SLC44A1: variants seen among roughly 807,000 people sequenced by gnomAD.
SLC44A1 encodes solute carrier family 44 member 1, also known as choline transporter-like protein 1.
Under a neutral mutation model 79.3 loss-of-function variants are expected in SLC44A1, and 26 were observed. The ratio of observed to expected loss-of-function variants is 0.33; its 90% CI spans 0.24 to 0.46. The LOEUF (loss-of-function observed/expected upper bound fraction) is 0.46. Among genes scored for constraint, SLC44A1 ranks in the 20% least tolerant of loss-of-function variants. The pLI is 1.00. For missense variants in SLC44A1, 688 were observed against 798.1 expected (o/e 0.86, Z 1.66); for synonymous variants, 263 against 286.2 (o/e 0.92, Z 0.82).
At chr9:105,328,885 A>G (rs1477698258) in intron 3 of SLC44A1, among the ~76,000 whole-genome samples, 1 of 152,126 alleles carries the variant, frequency 6.6e-6, no homozygotes, top group Non-Finnish European at 1.5e-5. Flanking sequence ...CAGCAACCTC[A>G]TGGGTTGGGT....
chr9:105,291,457 G>T lies in SLC44A1; in HGVS notation c.37-7763G>T, dbSNP rs571096455. Among the ~76,000 whole-genome samples, 10 of 152,340 alleles carry T rather than the reference G, an allele frequency of 6.6e-5. No individual in the cohort carries two copies. In the South Asian group the frequency reaches 2.1e-3, roughly 32 times the overall value. On this transcript the variant is annotated intron_variant, in intron 1 of 15. Coordinates refer to ENST00000374720, the MANE Select transcript of SLC44A1 (RefSeq NM_080546.5). The stretch of plus-strand genomic sequence containing the variant: ...ACTATTATAGTGGCTTTTGAGGTGT[G>T]TCAGGGAGTAGTTAGGACAGTGAAA...
At chr9:105,252,012 G>A (rs1054901797) in intron 1 of SLC44A1, among the ~76,000 whole-genome samples, 5 of 152,084 alleles carry the variant, frequency 3.3e-5, no homozygotes, top group Non-Finnish European at 5.9e-5. Context: ...TGGTCTTTAC[G>A]TTTTTAAGTG....
Position 105,394,967 on chromosome 9 carries a change from A to G in SLC44A1, c.*5911A>G, listed in dbSNP as rs1461142589. The G allele has an allele frequency of 7.1e-6, 7 of 985,176 alleles. No individual in the cohort carries two copies. The highest frequency in any genetic ancestry group is 6.1e-5 in the Admixed American group (1 of 16,264). The allele number at this position is 985,176 out of a possible 1,614,324, so 61.0% of individuals were successfully genotyped here. On this transcript the variant is annotated 3_prime_UTR_variant, in exon 16 of 16. Transcript: ENST00000374720. ...GATTTCTTCACATCTGCACCTTACT[A>G]TTAGGTAAGGGTGCTGCATCTACAT...
Position 105,331,432 on chromosome 9 carries a change from A to G in SLC44A1, c.270-4131A>G, listed in dbSNP as rs187724393. On this transcript the variant is annotated intron_variant, in intron 3 of 15. Coordinates refer to ENST00000374720, the MANE Select transcript of SLC44A1 (RefSeq NM_080546.5). ...TCAGTTACAATAATCTGGTTTGTCAATACCATGCTTATTACGATTATTTGT... is the reference window on the plus strand; with the variant it reads ...TCAGTTACAATAATCTGGTTTGTCAGTACCATGCTTATTACGATTATTTGT... 4.7e-3 allele frequency among the ~76,000 whole-genome samples: 717 copies of G among 152,384 alleles called. 1 individual carries two copies. Among genetic ancestry groups the G allele is most frequent in the Non-Finnish European group, 7.7e-3 (527 of 68,038 alleles).
rs1013102786 is a variant in SLC44A1, at chr9:105,277,070, C to T, written c.37-22150C>T. Among the ~76,000 whole-genome samples the T allele has an allele frequency of 3.3e-5, 5 of 152,114 alleles. No individual in the cohort carries two copies. The South Asian group carries it at 6.2e-4, about 19-fold the overall frequency. On this transcript the variant is annotated intron_variant, in intron 1 of 15. Transcript: ENST00000374720. ...TGGTAGCAGTGGAGAACTGATAGGA[C>T]GTGGTCAGATTCTGGCCATATTTGG...
intron 1 of SLC44A1, among the ~76,000 whole-genome samples, chr9:105,265,252 A>G (rs954211789): frequency 6.6e-6 from 1 of 152,210 alleles, no homozygotes. Flanking sequence ...CAGTAGCAAG[A>G]TACAGAACAG....
intron 1 of SLC44A1, among the ~76,000 whole-genome samples, chr9:105,259,954 A>G (rs1025291289): frequency 3.9e-5 from 6 of 152,216 alleles, no homozygotes; most frequent in African/African-American, 1.4e-4. Flanking sequence ...CAACAAGCAA[A>G]TTGAGCTGGG....
intron 9 of SLC44A1, 129 bp downstream of exon 9, chr9:105,363,136 G>A (rs951860324): frequency 5.7e-6 from 4 of 698,306 alleles, no homozygotes; most frequent in Admixed American, 5.4e-5. Context: ...ACTTGTAGTG[G>A]TTATGGCTCC....
intron 3 of SLC44A1, among the ~76,000 whole-genome samples, chr9:105,327,960 A>C (rs967212757): frequency 2.6e-5 from 4 of 152,202 alleles, no homozygotes; most frequent in Non-Finnish European, 4.4e-5. Context: ...TTTAGTACTT[A>C]TTTAGGCCTA....
In SLC44A1 at chr9:105,358,336, C is replaced by G; in HGVS notation, c.671-8C>G. 1 of 1,429,496 alleles carries G rather than the reference C, an allele frequency of 7.0e-7. No homozygotes were observed. Among genetic ancestry groups the G allele is most frequent in the African/African-American group, 1.4e-5 (1 of 71,126 alleles). 88.6% of individuals were successfully genotyped at this position (1,429,496 alleles called of 1,614,324 possible). On this transcript the variant is annotated splice_polypyrimidine_tract_variant and splice_region_variant and intron_variant, in intron 6 of 15. Transcript: ENST00000374720. ...TAATATTCTATATGTTCTCTATCTT[C>G]CCTGCAGTTCTATCCATGATTTTGA...
At chr9:105,375,698 T>C (rs980191911) in intron 13 of SLC44A1, among the ~76,000 whole-genome samples, 4 of 152,300 alleles carry the variant, frequency 2.6e-5, no homozygotes, top group East Asian at 3.9e-4. Context: ...ACGAGACTTA[T>C]ACTTTCCTTA....
chr9:105,355,883 T>A (rs1827606128), intron 5 of SLC44A1: 1 of 236,118 alleles, frequency 4.2e-6, no homozygotes. Context: ...ATGTGCAGGC[T>A]AAGGAGTTTT....
chr9:105,433,059 C>T (rs1338408860), intron 15 of SLC44A1, among the ~76,000 whole-genome samples: 1 of 152,108 alleles, frequency 6.6e-6, no homozygotes, highest in African/African-American at 2.4e-5. Context: ...CTTTGGGAGG[C>T]CGAAGCGGGG....
chr9:105,416,249 A>G (rs1401360924), intron 15 of SLC44A1, among the ~76,000 whole-genome samples: 1 of 152,060 alleles, frequency 6.6e-6, no homozygotes, highest in Non-Finnish European at 1.5e-5. Flanking sequence ...TTATGGAAAT[A>G]AGAAGAAGCT....
downstream of SLC44A1, chr9:105,397,445 C>T (rs150712152): frequency 7.6e-5 from 56 of 732,206 alleles, no homozygotes; most frequent in East Asian, 5.8e-3. Context: ...CAGTATGCTG[C>T]AAGGGTGCCC....
At chr9:105,245,146 C>G (rs1036489490) in intron 1 of SLC44A1, among the ~76,000 whole-genome samples, 7 of 152,048 alleles carry the variant, frequency 4.6e-5, no homozygotes, top group Non-Finnish European at 1.0e-4. Context: ...CAGCTCTTCC[C>G]GGCCCCTTCC....
chr9:105,293,611 C>G (rs981372103), intron 1 of SLC44A1, among the ~76,000 whole-genome samples: 1 of 152,190 alleles, frequency 6.6e-6, no homozygotes, highest in African/African-American at 2.4e-5. Context: ...TAATTGGCCC[C>G]TGGCGTTGGC....
intron 4 of SLC44A1, among the ~76,000 whole-genome samples, chr9:105,347,453 G>A (rs1333740575): frequency 6.6e-6 from 1 of 151,934 alleles, no homozygotes; most frequent in African/African-American, 2.4e-5. Flanking sequence ...TCTAGTTGCT[G>A]TATTTTAAAA....
In SLC44A1 at chr9:105,396,760, C is replaced by T. The variant is rs1029872418; in HGVS notation, c.*7704C>T. 15 of 984,528 alleles carry T rather than the reference C, an allele frequency of 1.5e-5. No individual in the cohort carries two copies. In the African/African-American group the frequency reaches 2.5e-4, roughly 16 times the overall value. 61.0% of individuals were successfully genotyped at this position (984,528 alleles called of 1,614,324 possible). On this transcript the variant is annotated 3_prime_UTR_variant, in exon 16 of 16. Transcript: ENST00000374720. ...GCCATTTGCATCCTATTTCATAGTG[C>T]CAAAATGAATTTTTGTATCTTGTCT...
Sources: allele counts gnomAD v4.1 joint callset (sites outside exome capture counted in the v4.1 genomes callset), GRCh38; gene constraint gnomAD v4.1.1; transcripts MANE v1.5; gene names NCBI Gene and HGNC (gene_info 2026-07-23, HGNC 2026-07-21).